IGSF10: variants seen among roughly 807,000 people sequenced by gnomAD.
The protein encoded by IGSF10 is calvaria mechanical force protein 608.
Under a neutral mutation model 128.2 loss-of-function variants are expected in IGSF10, and 126 were observed. The observed-to-expected ratio is 0.98, with a 90% confidence interval of 0.85 to 1.14. The LOEUF is 1.14. Ranked by LOEUF, IGSF10 falls within the 50% of genes most tolerant of loss-of-function variation. The probability of loss-of-function intolerance (pLI) is 0.00; values close to 1 mark genes in which losing one functional copy is unlikely to be tolerated. For synonymous variants in IGSF10, 1,185 were observed against 1,146.2 expected (o/e 1.03, Z -0.68); for missense variants, 3,295 against 3,149.8 (o/e 1.05, Z -1.10).
At position 151,458,584 on chromosome 3, in the gene IGSF10, G is replaced by C; in HGVS notation, c.126C>G (p.His42Gln). 1 of 1,614,160 alleles carries C rather than the reference G, an allele frequency of 6.2e-7. No homozygotes were observed. Among genetic ancestry groups the C allele is most frequent in the South Asian group, 1.1e-5 (1 of 91,084 alleles). ...TGGAAGTCAGGTACCGAAATGTGCAGTGTACCTCCGTAGGCATATAACAGG... is the reference window on the plus strand; with the variant it reads ...TGGAAGTCAGGTACCGAAATGTGCACTGTACCTCCGTAGGCATATAACAGG... ...RCACYMPTEVHCTFRYLTSIP... is the reference protein window; with the variant it reads ...RCACYMPTEVQCTFRYLTSIP... The change falls in exon 3 of 8, where the codon CAC becomes CAG. Residue 42 changes from histidine to glutamine, a missense_variant. Coordinates refer to ENST00000282466, the MANE Select transcript of IGSF10 (RefSeq NM_178822.5).
At chr3:151,567,831 C>T in the IGSF10 span, among the ~76,000 whole-genome samples, 1 of 152,162 alleles carries the variant, frequency 6.6e-6, no homozygotes, top group Non-Finnish European at 1.5e-5. Context: ...GCAGTAAAGG[C>T]GCTGACCCCT....
chr3:151,535,441 A>T, the IGSF10 span, among the ~76,000 whole-genome samples: 2 of 152,140 alleles, frequency 1.3e-5, no homozygotes, highest in African/African-American at 4.8e-5. Context: ...GCAAAAATAG[A>T]CACTGGGACT....
chr3:151,496,748 T>C, the IGSF10 span, among the ~76,000 whole-genome samples: 9 of 151,768 alleles, frequency 5.9e-5, no homozygotes, highest in Admixed American at 4.0e-4. Context: ...CCTGAGGAAT[T>C]TCCACACTGA....
the IGSF10 span, among the ~76,000 whole-genome samples, chr3:151,574,002 T>G: frequency 6.6e-6 from 1 of 151,814 alleles, no homozygotes; most frequent in South Asian, 2.1e-4. Context: ...TTAGTTTGGC[T>G]GGATATGAAA....
chr3:151,497,398 A>C, the IGSF10 span, among the ~76,000 whole-genome samples: 1 of 152,186 alleles, frequency 6.6e-6, no homozygotes, highest in Non-Finnish European at 1.5e-5. Flanking sequence ...CCATATGGCT[A>C]GCCAGTTTTC....
At chr3:151,619,131 A>G in the IGSF10 span, among the ~76,000 whole-genome samples, 49,731 of 151,896 alleles carry the variant, frequency 0.33, 8,636 homozygotes, top group East Asian at 0.53. Context: ...TATAGAAAAT[A>G]CCAAACATAC....
the IGSF10 span, among the ~76,000 whole-genome samples, chr3:151,497,845 T>C: frequency 6.6e-6 from 1 of 152,060 alleles, no homozygotes; most frequent in Admixed American, 6.6e-5. Context: ...TATCCTCTTT[T>C]ATTTCGCTGA....
chr3:151,453,241 T>C, intron 5 of IGSF10, 143 bp downstream of exon 5: 2 of 678,076 alleles, frequency 2.9e-6, no homozygotes, highest in South Asian at 5.0e-5. Flanking sequence ...ATAGATGATG[T>C]GTAAATAATT....
Position 151,446,539 on chromosome 3 carries a change from T to C in IGSF10, c.3442A>G (p.Thr1148Ala). The stretch of plus-strand genomic sequence containing the variant: ...TGAGTTTTTTCCATGGGTATGGATG[T>C]TGGAGCATATGTCATGACTGCACCA... ...PTGAVMTYAP[T>A]SIPMEKTHKV... Residue 1148 changes from threonine (T) to alanine (A), a missense_variant, in exon 6 of 8, where the codon ACA (threonine) becomes GCA (alanine). Physicochemically the swap from Thr to Ala is moderately conservative, Grantham distance 58 (BLOSUM62 0). Coordinates refer to ENST00000282466, the MANE Select transcript of IGSF10 (RefSeq NM_178822.5). 1.2e-6 allele frequency: 2 copies of C among 1,614,146 alleles called. No homozygotes were observed. The highest frequency in any genetic ancestry group is 1.7e-6 in the Non-Finnish European group (2 of 1,179,968).
the IGSF10 span, among the ~76,000 whole-genome samples, chr3:151,536,671 C>T: frequency 6.6e-6 from 1 of 151,956 alleles, no homozygotes; most frequent in African/African-American, 2.4e-5. Context: ...AAAAAAATGC[C>T]GAATCTAAAG....
chr3:151,455,421 C>A (rs978251202), intron 4 of IGSF10, among the ~76,000 whole-genome samples: 1 of 152,024 alleles, frequency 6.6e-6, no homozygotes, highest in African/African-American at 2.4e-5. Context: ...CCTAAAGTTT[C>A]TAATAAACTT....
At chr3:151,475,753 C>T in the IGSF10 span, 1 of 152,228 alleles carries the variant, frequency 6.6e-6, no homozygotes, top group African/African-American at 2.4e-5. Flanking sequence ...TTTTCTTGCT[C>T]AATTAAACTT....
At chr3:151,503,361 G>A in the IGSF10 span, among the ~76,000 whole-genome samples, 4 of 151,942 alleles carry the variant, frequency 2.6e-5, no homozygotes, top group Middle Eastern at 3.4e-3. Context: ...CAAGTATTAC[G>A]TTTAAAGTAA....
At chr3:151,573,296 G>C in the IGSF10 span, among the ~76,000 whole-genome samples, 287 of 152,118 alleles carry the variant, frequency 1.9e-3, 1 homozygote, top group African/African-American at 6.6e-3. Flanking sequence ...TAACCTTCTG[G>C]CTCGTTGATC....
chr3:151,458,658 TC>T lies in IGSF10; in HGVS notation c.51del (p.Ile18SerfsTer31). On this transcript the variant is annotated frameshift_variant, in exon 3 of 8. Coordinates refer to ENST00000282466, the MANE Select transcript of IGSF10 (RefSeq NM_178822.5). LOFTEE classifies it high-confidence loss of function. ...CCCCCAGGGGTGGCGACCAGGCAGA[TC>T]ACAGCAAAGGAGACCAGCAAGCAGG... The part of the protein sequence containing the change: ...GITCLLVSFA[V>X]ICLVATPGGK... 2 of 1,614,092 alleles carry T rather than the reference TC, an allele frequency of 1.2e-6. No homozygotes were observed. Among genetic ancestry groups the T allele is most frequent in the Non-Finnish European group, 1.7e-6 (2 of 1,179,994 alleles).
the IGSF10 span, among the ~76,000 whole-genome samples, chr3:151,585,585 T>G: frequency 6.6e-6 from 1 of 152,180 alleles, no homozygotes; most frequent in Non-Finnish European, 1.5e-5. Flanking sequence ...CATTCCTTTC[T>G]GTATTTTCTT....
chr3:151,447,891 T>C lies in IGSF10; in HGVS notation c.2090A>G (p.Gln697Arg). Residue 697 changes from glutamine (Q) to arginine (R), a missense_variant, in exon 6 of 8, where the codon CAA becomes CGA. Physicochemically the swap from Gln to Arg is conservative, Grantham distance 43. Coordinates refer to ENST00000282466, the MANE Select transcript of IGSF10 (RefSeq NM_178822.5). ...IAHLKEPPGA[Q>R]LRTSALMEAE... ...CTCCATCAGAGCAGATGTACGGAGT[T>C]GTGCACCTGGTGGCTCCTTAAGATG... 1 of 1,614,058 alleles carries C rather than the reference T, an allele frequency of 6.2e-7. No individual in the cohort carries two copies. Among genetic ancestry groups the C allele is most frequent in the Non-Finnish European group, 8.5e-7 (1 of 1,179,936 alleles).
intron 4 of IGSF10, among the ~76,000 whole-genome samples, chr3:151,454,765 G>A (rs148965159): frequency 0.01 from 1,530 of 151,880 alleles, 15 homozygotes; most frequent in African/African-American, 0.034. Flanking sequence ...AGGCTGAGGC[G>A]GGCAGATCAC....
the IGSF10 span, among the ~76,000 whole-genome samples, chr3:151,514,193 G>T: frequency 1.3e-5 from 2 of 152,090 alleles, no homozygotes; most frequent in Non-Finnish European, 2.9e-5. Flanking sequence ...AACAAAGCTG[G>T]AGGCATCAAG....
Sources: gnomAD v4.1 joint callset for allele counts (sites outside exome capture counted in the v4.1 genomes callset) on GRCh38, gnomAD v4.1.1 for gene constraint, MANE v1.5 for transcripts, NCBI Gene and HGNC (gene_info 2026-07-23, HGNC 2026-07-21) for gene names.